Variants in TUBGCP3 observed in about 807,000 individuals in gnomAD.
TUBGCP3 encodes gamma-tubulin complex component 3.
A neutral mutation model predicts 123.1 loss-of-function variants in TUBGCP3; 50 were observed. The observed-to-expected ratio is 0.41, with a 90% CI of 0.32 to 0.51. TUBGCP3 has a LOEUF of 0.51. Among genes scored for constraint, TUBGCP3 ranks in the 20% least tolerant of loss-of-function variants. The probability of loss-of-function intolerance (pLI) is 0.36; values close to 1 mark genes in which losing one functional copy is unlikely to be tolerated. For missense variants in TUBGCP3, 882 were observed against 1,127.0 expected (o/e 0.78, Z 3.11); for synonymous variants, 405 against 413.9 (o/e 0.98, Z 0.26).
At position 112,511,948 on chromosome 13, in the gene TUBGCP3, TCAGA is replaced by T. The variant is rs958131873; in HGVS notation, c.2086+4488_2086+4491del. ...AATACCTACACAAGGAAGCACTTACTCAGACACTCGTTCTCTCGAAAGCACATTT... is the reference window on the plus strand; with the variant it reads ...AATACCTACACAAGGAAGCACTTACTCACTCGTTCTCTCGAAAGCACATTT... On this transcript the variant is annotated intron_variant, in intron 17 of 21. Coordinates refer to ENST00000261965, the MANE Select transcript of TUBGCP3 (RefSeq NM_006322.6). This position sits in a 1 kb window ranked among gnomAD's most constrained non-coding sequence, Gnocchi z 4.1. Among the ~76,000 whole-genome samples the T allele has an allele frequency of 1.3e-5, 2 of 152,196 alleles. No individual in the cohort carries two copies. The highest frequency in any genetic ancestry group is 4.8e-5 in the African/African-American group (2 of 41,438).
chr13:112,554,841 G>A (rs772064671), intron 7 of TUBGCP3, 46 bp downstream of exon 7: 42 of 1,405,338 alleles, frequency 3.0e-5, no homozygotes, highest in Non-Finnish European at 3.2e-5. Flanking sequence ...TTCATGACAT[G>A]TTTTTTCTTT....
At chr13:112,569,526 CGAAAA>C (rs1751888456) in intron 1 of TUBGCP3, among the ~76,000 whole-genome samples, 2 of 151,930 alleles carry the variant, frequency 1.3e-5, no homozygotes, top group South Asian at 4.2e-4. Flanking sequence ...TCAGTAATCA[CGAAAA>C]GAAAAGGAAC....
intron 5 of TUBGCP3, 49 bp from the exon 6 acceptor site, chr13:112,556,273 G>A: frequency 6.4e-7 from 1 of 1,554,510 alleles, no homozygotes; most frequent in Non-Finnish European, 8.8e-7. Context: ...TCGCTGAAGA[G>A]ACAAAAGTGT....
chr13:112,554,798 A>T, intron 7 of TUBGCP3, 89 bp downstream of exon 7: 1 of 892,302 alleles, frequency 1.1e-6, no homozygotes, highest in Non-Finnish European at 1.7e-6. Flanking sequence ...AAACCCCAGT[A>T]CCACCTTATC....
At chr13:112,587,402 AAGGGACGATGATGTGACACTCC>A (rs925022401) in intron 1 of TUBGCP3, 1 of 153,302 alleles carries the variant, frequency 6.5e-6, no homozygotes, top group African/African-American at 2.4e-5. Context: ...TCCTAACGAA[AAGGGACGATGATGTGACACTCC>A]AGCACCCCGC....
intron 11 of TUBGCP3, among the ~76,000 whole-genome samples, chr13:112,532,880 G>A (rs112962459): frequency 0.014 from 2,178 of 152,254 alleles, 51 homozygotes; most frequent in African/African-American, 0.049. Context: ...TGGGCTAAAG[G>A]TCTATATCCT....
At chr13:112,596,243 C>T in the TUBGCP3 span, among the ~76,000 whole-genome samples, 8 of 152,274 alleles carry the variant, frequency 5.3e-5, no homozygotes, top group South Asian at 1.2e-3. Context: ...CCTGATGTTT[C>T]GTGATTCTGT....
At chr13:112,533,083 C>T (rs1877720161) in intron 11 of TUBGCP3, among the ~76,000 whole-genome samples, 1 of 152,218 alleles carries the variant, frequency 6.6e-6, no homozygotes, top group Non-Finnish European at 1.5e-5. Context: ...ACTCAAAGAG[C>T]TTCCAGGAAG....
At chr13:112,510,688 C>G (rs1053570301) in intron 17 of TUBGCP3, among the ~76,000 whole-genome samples, 4 of 152,200 alleles carry the variant, frequency 2.6e-5, no homozygotes, top group African/African-American at 9.6e-5. Flanking sequence ...CCGTCGCCAC[C>G]TCATCCCCCA....
intron 13 of TUBGCP3, among the ~76,000 whole-genome samples, chr13:112,525,574 A>T (rs1876984853): frequency 6.6e-6 from 1 of 152,242 alleles, no homozygotes; most frequent in Non-Finnish European, 1.5e-5. Context: ...AATACAGCCA[A>T]AACTGGAGAG....
intron 1 of TUBGCP3, among the ~76,000 whole-genome samples, chr13:112,586,720 C>G (rs1188868042): frequency 1.3e-5 from 2 of 152,150 alleles, no homozygotes. Flanking sequence ...TCTGTCTCTT[C>G]CAGTAGAGTG....
chr13:112,489,325 C>G (rs1300571370), intron 21 of TUBGCP3, among the ~76,000 whole-genome samples: 1 of 152,244 alleles, frequency 6.6e-6, no homozygotes, highest in Non-Finnish European at 1.5e-5. Context: ...GGGGCCACCC[C>G]CGGGTGCCCG....
chr13:112,515,762 C>T (rs1876065872), intron 17 of TUBGCP3, among the ~76,000 whole-genome samples: 1 of 152,230 alleles, frequency 6.6e-6, no homozygotes, highest in Non-Finnish European at 1.5e-5. Context: ...GAACTCCCTG[C>T]CCCACAGCCT....
intron 20 of TUBGCP3, among the ~76,000 whole-genome samples, chr13:112,493,958 G>A (rs1880343190): frequency 1.3e-5 from 2 of 151,096 alleles, no homozygotes; most frequent in South Asian, 2.1e-4. Flanking sequence ...AGATGCTCTG[G>A]CTATGGAAAC....
In TUBGCP3 at chr13:112,545,881, G is replaced by T. The variant is rs1311531620; in HGVS notation, c.1169-16C>A. 6.2e-7 allele frequency: 1 copy of T among 1,605,076 alleles called. No homozygotes were observed. The highest frequency in any genetic ancestry group is 8.5e-7 in the Non-Finnish European group (1 of 1,172,604). ...CCTTTCCTTCCTGGGAGAAATGGAG[G>T]AAAATACACAAAAACATCCACATTT... On this transcript the variant is annotated splice_polypyrimidine_tract_variant and intron_variant, in intron 10 of 21. Transcript: ENST00000261965. This position sits in a 1 kb window ranked among gnomAD's most constrained non-coding sequence, Gnocchi z 4.1.
At chr13:112,598,432 C>T in the TUBGCP3 span, among the ~76,000 whole-genome samples, 44,752 of 151,330 alleles carry the variant, frequency 0.3, 7,969 homozygotes, top group African/African-American at 0.5. Flanking sequence ...AAAACAATGT[C>T]TTAGGTTTAA....
At chr13:112,583,225 ATTG>A (rs1227546528) in intron 1 of TUBGCP3, among the ~76,000 whole-genome samples, 17 of 152,354 alleles carry the variant, frequency 1.1e-4, no homozygotes, top group Admixed American at 2.6e-4. Flanking sequence ...AGCTATTCGT[ATTG>A]TTATTAACCT....
Position 112,489,557 on chromosome 13 carries a change from G to A in TUBGCP3, c.2565+24C>T, listed in dbSNP as rs776254140. 1.7e-5 allele frequency: 25 copies of A among 1,501,422 alleles called. No individual in the cohort carries two copies. The Admixed American group carries it at 2.8e-4, about 17-fold the overall frequency. 93.0% of individuals were successfully genotyped at this position (1,501,422 alleles called of 1,614,324 possible). ...GAACATGGGCAGAGTGGTGTGAAGA[G>A]CCACTCTGTATCCTCATACACACCT... On this transcript the variant is annotated intron_variant, in intron 21 of 21. Transcript: ENST00000261965.
In TUBGCP3 at chr13:112,547,404, G is replaced by A. The variant is rs906065955; in HGVS notation, c.1168+216C>T. 65 of 734,526 alleles carry A rather than the reference G, an allele frequency of 8.8e-5. No homozygotes were observed. The East Asian group carries it at 1.4e-3, about 16-fold the overall frequency. 45.5% of individuals were successfully genotyped at this position (734,526 alleles called of 1,614,324 possible). A position where few individuals can be genotyped will look rare whatever the true frequency, so the allele number is the denominator to read the frequency against. On this transcript the variant is annotated intron_variant, in intron 10 of 21. Coordinates refer to ENST00000261965, the MANE Select transcript of TUBGCP3 (RefSeq NM_006322.6). ...TGGCTCCCATCTGTCGATTCCTATC[G>A]AATCAACACGGCCATTAAGGACAAA...
Sources: gnomAD v4.1 joint callset for allele counts (sites outside exome capture counted in the v4.1 genomes callset) on GRCh38, gnomAD v4.1.1 for gene constraint, Gnocchi (gnomAD v3.1) non-coding constraint, MANE v1.5 for transcripts, NCBI Gene and HGNC (gene_info 2026-07-23, HGNC 2026-07-21) for gene names.